The following EPG5 variants were observed in gnomAD, a reference collection of about 807,000 sequenced individuals.
EPG5 encodes the protein ectopic P granules protein 5 homolog.
In EPG5, 159 loss-of-function variants were observed where a neutral mutation model predicts 302.7. The observed-to-expected ratio is 0.53, with a 90% CI of 0.46 to 0.60. EPG5 has a LOEUF of 0.60. EPG5 is among the 20% of genes least tolerant of loss of function. The probability of loss-of-function intolerance (pLI) is 0.00; values close to 1 mark genes in which losing one functional copy is unlikely to be tolerated. For synonymous variants in EPG5, 1,158 were observed against 1,136.8 expected, an observed-to-expected ratio of 1.02 and a Z score of -0.37; for missense variants, 2,896 against 3,092.4, an observed-to-expected ratio of 0.94 and a Z score of 1.51.
chr18:45,838,233 G>T, the EPG5 span, among the ~76,000 whole-genome samples: 1 of 152,300 alleles, frequency 6.6e-6, no homozygotes, highest in South Asian at 2.1e-4. Context: ...GGTGCAATGT[G>T]GTGTGTGCTA....
chr18:45,902,449 A>AT (rs547908813), intron 25 of EPG5, among the ~76,000 whole-genome samples: 31 of 152,360 alleles, frequency 2.0e-4, no homozygotes, highest in South Asian at 8.3e-4. Context: ...CAAACCCAAT[A>AT]TAAGTTACCA....
intron 32 of EPG5, 114 bp from the exon 33 acceptor site, chr18:45,879,328 C>T: frequency 4.3e-6 from 3 of 692,506 alleles, no homozygotes; most frequent in South Asian, 1.9e-5. Flanking sequence ...AAGAGAGTGG[C>T]AAAAATATAA....
intron 16 of EPG5, among the ~76,000 whole-genome samples, chr18:45,920,965 A>G (rs188889953): frequency 6.6e-6 from 1 of 152,180 alleles, no homozygotes; most frequent in East Asian, 1.9e-4. Context: ...TACATTAGAG[A>G]TACTTAGAGA....
the EPG5 span, chr18:45,837,034 T>C: frequency 1.2e-5 from 17 of 1,459,444 alleles, no homozygotes; most frequent in East Asian, 3.4e-4. Flanking sequence ...TGTAGGCTCA[T>C]TTGTGAGAAC....
At chr18:45,894,686 GGGA>G (rs2049429603) in intron 27 of EPG5, among the ~76,000 whole-genome samples, 1 of 152,142 alleles carries the variant, frequency 6.6e-6, no homozygotes, top group African/African-American at 2.4e-5. Context: ...AGAAATGGGT[GGGA>G]GGAGAACAAA....
chr18:45,899,599 C>G, intron 26 of EPG5, 33 bp from the exon 27 acceptor site: 1 of 1,612,586 alleles, frequency 6.2e-7, no homozygotes, highest in Non-Finnish European at 8.5e-7. Context: ...AAAAGAAAGT[C>G]TTAGGAAAGG....
At chr18:45,847,015 T>C (rs1221908551), downstream of EPG5, among the ~76,000 whole-genome samples, 1 of 152,176 alleles carries the variant, frequency 6.6e-6, no homozygotes, top group Admixed American at 6.5e-5. Flanking sequence ...CTAGGCCACT[T>C]TCCAACCCTT....
At chr18:45,917,130 T>C (rs964337568) in intron 17 of EPG5, among the ~76,000 whole-genome samples, 4 of 152,144 alleles carry the variant, frequency 2.6e-5, no homozygotes, top group African/African-American at 4.8e-5. Flanking sequence ...CCTTGTGCCT[T>C]TGGATGTACT....
At chr18:45,800,596 G>A in the EPG5 span, among the ~76,000 whole-genome samples, 2 of 152,148 alleles carry the variant, frequency 1.3e-5, no homozygotes, top group Non-Finnish European at 2.9e-5. Flanking sequence ...ACAAAAGCTG[G>A]TTTTATTGAT....
chr18:45,816,197 C>A, the EPG5 span, among the ~76,000 whole-genome samples: 1 of 152,020 alleles, frequency 6.6e-6, no homozygotes, highest in African/African-American at 2.4e-5. Context: ...CTAGAAGATA[C>A]CATTGGAAAA....
rs771510931 is a variant in EPG5, at chr18:45,916,164, C to T, written c.3427G>A (p.Val1143Ile). 3.7e-5 allele frequency: 60 copies of T among 1,613,880 alleles called. No homozygotes were observed. Among genetic ancestry groups the T allele is most frequent in the East Asian group, 6.7e-5 (3 of 44,890 alleles). ...TGAACCCAGAACTCCAACACAGCAA[C>T]GGGGCCCACTTCATTGGGCTGAGTG... is the stretch of plus-strand genomic sequence containing the variant. ...VSTQPNEVGP[V>I]AVLEFWVQAL... Residue 1143 changes from valine to isoleucine, a missense_variant, in exon 19 of 44, where the codon GTT (valine) becomes ATT (isoleucine). Val to Ile is a conservative substitution (Grantham distance 29, BLOSUM62 3). Around this residue, in one of 5 missense-constraint regions of EPG5, gnomAD observed 1,390 missense variants for 1,430.0 expected, o/e 0.97. Transcript: ENST00000282041.
the EPG5 span, among the ~76,000 whole-genome samples, chr18:45,820,400 G>T: frequency 1.3e-5 from 2 of 152,146 alleles, no homozygotes; most frequent in African/African-American, 4.8e-5. Context: ...GACCTCCCTG[G>T]CTTCCTAACC....
chr18:45,804,379 C>T, the EPG5 span, among the ~76,000 whole-genome samples: 2 of 151,978 alleles, frequency 1.3e-5, no homozygotes, highest in Admixed American at 1.3e-4. Context: ...AAATAATGGC[C>T]AAAAAGTCCC....
intron 27 of EPG5, among the ~76,000 whole-genome samples, chr18:45,897,443 T>C: frequency 6.8e-6 from 1 of 146,838 alleles, no homozygotes. Context: ...CATTTTCAGT[T>C]TTTTCCTCAC....
At chr18:45,825,847 C>T in the EPG5 span, 45 of 1,583,194 alleles carry the variant, frequency 2.8e-5, no homozygotes, top group Non-Finnish European at 3.7e-5. Context: ...ATCTTAGGTA[C>T]AGTCTCCCCT....
At chr18:45,811,200 A>C in the EPG5 span, among the ~76,000 whole-genome samples, 113,008 of 152,104 alleles carry the variant, frequency 0.74, 42,881 homozygotes, top group East Asian at 0.92. Context: ...AAGGGCATCC[A>C]AATCAGTAAG....
rs116345470 is a variant in EPG5, at chr18:45,871,326, T to C, written c.6050-584A>G. 3.0e-3 allele frequency among the ~76,000 whole-genome samples: 461 copies of C among 152,244 alleles called. 4 individuals are homozygous for C. The highest frequency in any genetic ancestry group is 0.01 in the African/African-American group (430 of 41,536). ...AGAGAAAGAAACTCTTAAACACTGTTGGGGGGAGTGTAAATTAGTACAACC... is the reference window on the plus strand; with the variant it reads ...AGAGAAAGAAACTCTTAAACACTGTCGGGGGGAGTGTAAATTAGTACAACC... On this transcript the variant is annotated intron_variant, in intron 35 of 43. Transcript: ENST00000282041.
chr18:45,812,233 G>A, the EPG5 span, among the ~76,000 whole-genome samples: 2 of 152,112 alleles, frequency 1.3e-5, no homozygotes, highest in South Asian at 2.1e-4. Flanking sequence ...CCTCTTCAAG[G>A]AGAACTACAA....
At chr18:45,844,967 C>T (rs960390492), downstream of EPG5, among the ~76,000 whole-genome samples, 1 of 152,206 alleles carries the variant, frequency 6.6e-6, no homozygotes, top group Non-Finnish European at 1.5e-5. Flanking sequence ...AATACCATTA[C>T]CACATTTGAG....
Sources: gnomAD v4.1 joint callset for allele counts (sites outside exome capture counted in the v4.1 genomes callset) on GRCh38, gnomAD v4.1.1 for gene constraint, gnomAD v4.1.1 regional missense constraint, MANE v1.5 for transcripts, NCBI Gene and HGNC (gene_info 2026-07-23, HGNC 2026-07-21) for gene names.